The following ARHGAP39 variants were observed in gnomAD, a reference collection of about 807,000 sequenced individuals.
ARHGAP39 encodes Rho GTPase activating protein 39, also known as rho GTPase-activating protein 39.
ARHGAP39 carries 44 observed loss-of-function variants against 106.9 expected under a neutral mutation model. That is an observed-to-expected ratio of 0.41 (90% confidence interval 0.32 to 0.53). The LOEUF (loss-of-function observed/expected upper bound fraction) is 0.53. Among genes scored for constraint, ARHGAP39 ranks in the 20% least tolerant of loss-of-function variants. The pLI is 0.21. For synonymous variants in ARHGAP39, 768 were observed against 693.2 expected (o/e 1.11, Z -1.69); for missense variants, 1,496 against 1,577.3 (o/e 0.95, Z 0.87).
intron 1 of ARHGAP39, among the ~76,000 whole-genome samples, chr8:144,621,590 G>C (rs912097543): frequency 6.6e-6 from 1 of 152,218 alleles, no homozygotes; most frequent in Admixed American, 6.5e-5. Flanking sequence ...GCTGAGGCAG[G>C]CAGATTGCTT....
chr8:144,578,142 G>A (rs1224699201), intron 3 of ARHGAP39, among the ~76,000 whole-genome samples: 2 of 152,206 alleles, frequency 1.3e-5, no homozygotes, highest in African/African-American at 4.8e-5. Flanking sequence ...CAAAGCTACA[G>A]TGATCAAAAC....
At chr8:144,698,678 C>T in the ARHGAP39 span, 1 of 337,210 alleles carries the variant, frequency 3.0e-6, no homozygotes, top group Non-Finnish European at 5.9e-6. Flanking sequence ...AGGAACCTAT[C>T]TGTTCCATCC....
intron 1 of ARHGAP39, among the ~76,000 whole-genome samples, chr8:144,664,169 C>T (rs1479056697): frequency 1.3e-5 from 2 of 150,580 alleles, no homozygotes; most frequent in Non-Finnish European, 3.0e-5. Context: ...TCTGTCCCCC[C>T]AAAAAAAAGA....
At chr8:144,669,139 A>G (rs936579906) in intron 1 of ARHGAP39, among the ~76,000 whole-genome samples, 5 of 142,710 alleles carry the variant, frequency 3.5e-5, no homozygotes, top group African/African-American at 1.3e-4. Context: ...CTTACCTCAC[A>G]CATGAACAAA....
Position 144,547,839 on chromosome 8 carries a change from T to G in ARHGAP39, c.1247A>C (p.His416Pro), listed in dbSNP as rs1271461047. The change falls in exon 5 of 12, where the codon CAC becomes CCC. Residue 416 changes from histidine to proline, a missense_variant. His to Pro is a moderately conservative substitution (Grantham distance 77). Transcript: ENST00000377307. The surrounding 1 kb of genome is among the most constrained non-coding windows in gnomAD (Gnocchi z 5.2). ...ACCGCCGGGGTTGGGCGCGTACTTG[T>G]GCCGCGGGCCGGCGCGCAGCTTGGG... Reference protein sequence around the residue: ...SSPKLRAGPRHKYAPNPGGGS... With the variant: ...SSPKLRAGPRPKYAPNPGGGS... 2 of 1,589,838 alleles carry G rather than the reference T, an allele frequency of 1.3e-6. No homozygotes were observed. The highest frequency in any genetic ancestry group is 1.7e-4 in the Middle Eastern group (1 of 6,044).
chr8:144,534,234 G>A (rs1320672434), intron 7 of ARHGAP39, 32 bp from the exon 8 acceptor site: 9 of 1,606,830 alleles, frequency 5.6e-6, no homozygotes, highest in Admixed American at 1.7e-5. Flanking sequence ...TCAGCCTGAT[G>A]TGGGTGTGTG....
chr8:144,697,541 A>T, the ARHGAP39 span, among the ~76,000 whole-genome samples: 2 of 151,710 alleles, frequency 1.3e-5, no homozygotes, highest in African/African-American at 4.8e-5. Context: ...TTTTTTGAGA[A>T]GGAGTTTCAC....
At chr8:144,656,241 C>T (rs1821692418) in intron 1 of ARHGAP39, among the ~76,000 whole-genome samples, 1 of 150,280 alleles carries the variant, frequency 6.7e-6, no homozygotes, top group Non-Finnish European at 1.5e-5. Flanking sequence ...GCCTGTAATC[C>T]CAATACTTTG....
At chr8:144,680,108 C>T (rs1822364613) in intron 1 of ARHGAP39, among the ~76,000 whole-genome samples, 1 of 152,246 alleles carries the variant, frequency 6.6e-6, no homozygotes, top group Admixed American at 6.5e-5. Context: ...AACCAACCTT[C>T]TCACCTTTGC....
upstream of ARHGAP39, among the ~76,000 whole-genome samples, chr8:144,685,875 C>T (rs1385409939): frequency 6.7e-6 from 1 of 149,174 alleles, no homozygotes; most frequent in Non-Finnish European, 1.5e-5. Flanking sequence ...CGTCACCAAG[C>T]GCAACCCCCC....
chr8:144,584,453 T>C (rs1322257162), intron 2 of ARHGAP39, among the ~76,000 whole-genome samples: 1 of 151,654 alleles, frequency 6.6e-6, no homozygotes, highest in African/African-American at 2.4e-5. Flanking sequence ...TGATGGACAA[T>C]GGGAGCTCTA....
chr8:144,682,997 G>A (rs1269106237), intron 1 of ARHGAP39, among the ~76,000 whole-genome samples: 3 of 151,768 alleles, frequency 2.0e-5, no homozygotes, highest in African/African-American at 7.3e-5. Flanking sequence ...AGCCTGGCCA[G>A]CAGAGTGAGA....
intron 3 of ARHGAP39, among the ~76,000 whole-genome samples, chr8:144,572,603 C>T (rs556334375): frequency 5.9e-5 from 9 of 152,236 alleles, no homozygotes; most frequent in African/African-American, 2.2e-4. Context: ...AAAACAATGG[C>T]AACAAAAGCC....
chr8:144,698,473 T>C, the ARHGAP39 span: 1 of 175,532 alleles, frequency 5.7e-6, no homozygotes. Context: ...GTTTTTAATC[T>C]TTTTCTGTGG....
the ARHGAP39 span, among the ~76,000 whole-genome samples, chr8:144,693,993 A>G: frequency 2.0e-5 from 3 of 152,144 alleles, no homozygotes; most frequent in African/African-American, 7.2e-5. Context: ...GGCTGAGCCA[A>G]GCAAATAGCG....
intron 3 of ARHGAP39, among the ~76,000 whole-genome samples, chr8:144,562,112 G>A (rs961950893): frequency 6.5e-5 from 9 of 138,504 alleles, no homozygotes; most frequent in Non-Finnish European, 1.2e-4. Context: ...GGTTTCCATC[G>A]GACTTACTCC....
rs991268683 is a variant in ARHGAP39, at chr8:144,676,716, G to A, written c.-82+8970C>T. On this transcript the variant is annotated intron_variant, in intron 1 of 11. Coordinates refer to ENST00000377307, the MANE Select transcript of ARHGAP39 (RefSeq NM_025251.3). The stretch of plus-strand genomic sequence containing the variant: ...TCGTCCCAGATCAAGCCCAGCAGGC[G>A]CCAGCCACAGCACCGGCTCCCGCCC... Among the ~76,000 whole-genome samples, 6 of 152,198 alleles carry A rather than the reference G, an allele frequency of 3.9e-5. No individual in the cohort carries two copies. The South Asian group carries it at 6.2e-4, about 16-fold the overall frequency.
At position 144,685,806 on chromosome 8, in the gene ARHGAP39, T is replaced by G. The variant is rs1822575172; in HGVS notation, c.-202A>C. ...CCGCCGCTGCTGCCGCGGCAGCCCG[T>G]GCTGTCGGCGTCCTCCGCCGCCGCC... On this transcript the variant is annotated 5_prime_UTR_variant, in exon 1 of 12. Coordinates refer to ENST00000377307, the MANE Select transcript of ARHGAP39 (RefSeq NM_025251.3). Among the ~76,000 whole-genome samples the G allele has an allele frequency of 6.8e-6, 1 of 147,406 alleles. No homozygotes were observed. Among genetic ancestry groups the G allele is most frequent in the Non-Finnish European group, 1.5e-5 (1 of 66,196 alleles).
At chr8:144,560,932 T>C (rs1252558402) in intron 3 of ARHGAP39, among the ~76,000 whole-genome samples, 1 of 152,264 alleles carries the variant, frequency 6.6e-6, no homozygotes, top group Non-Finnish European at 1.5e-5. Flanking sequence ...ACGTATGTTC[T>C]AATGTGGCTC....
Sources: allele counts gnomAD v4.1 joint callset (sites outside exome capture counted in the v4.1 genomes callset), GRCh38; gene constraint gnomAD v4.1.1; non-coding constraint Gnocchi (gnomAD v3.1); transcripts MANE v1.5; gene names NCBI Gene and HGNC (gene_info 2026-07-23, HGNC 2026-07-21).